The following ACAD10 variants were observed in gnomAD, a reference collection of about 807,000 sequenced individuals.
ACAD10 encodes ACAD-10.
Under a neutral mutation model 116.8 loss-of-function variants are expected in ACAD10, and 112 were observed. The ratio of observed to expected loss-of-function variants is 0.96; its 90% CI spans 0.82 to 1.12. ACAD10 has a LOEUF of 1.12. Among genes scored for constraint, ACAD10 ranks in the 50% most tolerant of loss-of-function variants. The pLI is 0.00. For synonymous variants in ACAD10, 486 were observed against 510.6 expected, an observed-to-expected ratio of 0.95 and a Z score of 0.65; for missense variants, 1,259 against 1,350.2, an observed-to-expected ratio of 0.93 and a Z score of 1.06.
chr12:111,732,118 A>T (rs138299530), intron 10 of ACAD10, among the ~76,000 whole-genome samples: 2 of 152,278 alleles, frequency 1.3e-5, no homozygotes, highest in Non-Finnish European at 2.9e-5. Flanking sequence ...GGGCAGTAAC[A>T]TGGAAGATGG....
chr12:111,735,767 T>A (rs1415289106), intron 11 of ACAD10, among the ~76,000 whole-genome samples: 1 of 152,172 alleles, frequency 6.6e-6, no homozygotes, highest in Non-Finnish European at 1.5e-5. Context: ...TGAAATTATT[T>A]TATTTGCTAT....
In ACAD10 at chr12:111,715,874, A is replaced by C; in HGVS notation, c.904A>C (p.Ile302Leu). Residue 302 changes from isoleucine (I) to leucine (L), a missense_variant, in exon 7 of 21, where the codon ATC becomes CTC. Coordinates refer to ENST00000313698, the MANE Select transcript of ACAD10 (RefSeq NM_025247.6). ...CGGGCAGTCAAATCCAACTTACTAC[A>C]TCAGGCTGGCTAATCGTGATCTAGT... ...DHGQSNPTYY[I>L]RLANRDLVLR... The C allele has an allele frequency of 6.2e-7, 1 of 1,614,112 alleles. No homozygotes were observed. The highest frequency in any genetic ancestry group is 8.5e-7 in the Non-Finnish European group (1 of 1,180,028).
At chr12:111,686,919 G>T (rs1297160845) in intron 1 of ACAD10, among the ~76,000 whole-genome samples, 1 of 152,180 alleles carries the variant, frequency 6.6e-6, no homozygotes, top group Non-Finnish European at 1.5e-5. Flanking sequence ...CAGTTGTGCA[G>T]TCTTGAACTA....
intron 5 of ACAD10, among the ~76,000 whole-genome samples, chr12:111,711,883 A>G (rs972155836): frequency 6.6e-6 from 1 of 152,192 alleles, no homozygotes; most frequent in African/African-American, 2.4e-5. Flanking sequence ...AGTTCCTGCA[A>G]TTTAGTCTAA....
intron 9 of ACAD10, 111 bp from the exon 10 acceptor site, chr12:111,729,695 G>A: frequency 1.5e-6 from 2 of 1,327,508 alleles, no homozygotes; most frequent in Non-Finnish European, 2.1e-6. Flanking sequence ...CAAAGACACT[G>A]CACCACCCAG....
At chr12:111,719,974 G>C (rs540581971) in intron 7 of ACAD10, among the ~76,000 whole-genome samples, 3 of 152,006 alleles carry the variant, frequency 2.0e-5, no homozygotes, top group African/African-American at 7.3e-5. Flanking sequence ...TGATCCACCC[G>C]CCTCAGCCTC....
intron 17 of ACAD10, 43 bp downstream of exon 17, chr12:111,748,518 T>G: frequency 6.2e-7 from 1 of 1,606,670 alleles, no homozygotes; most frequent in Non-Finnish European, 8.5e-7. Flanking sequence ...GTGGGTCTGG[T>G]CCCCAGGAAA....
intron 9 of ACAD10, 61 bp downstream of exon 9, chr12:111,728,204 G>T: frequency 6.6e-7 from 1 of 1,509,092 alleles, no homozygotes; most frequent in Non-Finnish European, 8.9e-7. Flanking sequence ...CTGCTTTTAG[G>T]ATCTGAATCG....
chr12:111,735,850 T>G (rs986453793), intron 11 of ACAD10, among the ~76,000 whole-genome samples: 6 of 152,038 alleles, frequency 3.9e-5, no homozygotes, highest in Non-Finnish European at 8.8e-5. Context: ...ATTTGTTTAT[T>G]TATTTTTGAG....
chr12:111,722,324 A>G (rs925495604), intron 8 of ACAD10, among the ~76,000 whole-genome samples: 1 of 152,218 alleles, frequency 6.6e-6, no homozygotes, highest in Non-Finnish European at 1.5e-5. Flanking sequence ...TTGGCCTCCC[A>G]TGATGCTGGG....
intron 1 of ACAD10, among the ~76,000 whole-genome samples, chr12:111,691,915 C>A (rs769641673): frequency 8.6e-5 from 13 of 151,946 alleles, no homozygotes; most frequent in Non-Finnish European, 1.5e-4. Flanking sequence ...TCTTTTAAGC[C>A]AGGCTTAGGA....
At position 111,702,180 on chromosome 12, in the gene ACAD10, G is replaced by C; in HGVS notation, c.206G>C (p.Arg69Pro). Residue 69 changes from arginine (R) to proline (P), a missense_variant, in exon 3 of 21, where the codon CGT (arginine) becomes CCT (proline). By Grantham distance (103) the Arg-to-Pro change is moderately radical. Transcript: ENST00000313698. ...RVAAEWEVQN[R>P]IPSGTILKAL... ...CCTATAGAATGGGAGGTACAGAATC[G>C]TATCCCTTCTGGAACTATATTAAAG... 1 of 1,613,878 alleles carries C rather than the reference G, an allele frequency of 6.2e-7. No individual in the cohort carries two copies.
intron 19 of ACAD10, among the ~76,000 whole-genome samples, chr12:111,754,625 T>C (rs188284429): frequency 3.6e-5 from 3 of 84,124 alleles, no homozygotes; most frequent in Non-Finnish European, 6.4e-5. Context: ...GACCAACCCA[T>C]GCTCATGCTC....
chr12:111,740,800 A>G (rs1310379404), intron 12 of ACAD10, among the ~76,000 whole-genome samples: 1 of 151,294 alleles, frequency 6.6e-6, no homozygotes, highest in Non-Finnish European at 1.5e-5. Context: ...AAAAAAAAAA[A>G]AAGAAAAGAA....
Position 111,692,754 on chromosome 12 carries a change from G to A in ACAD10, c.45G>A (p.Val15=), listed in dbSNP as rs770958389. 2.5e-6 allele frequency: 4 copies of A among 1,614,210 alleles called. No individual in the cohort carries two copies. The highest frequency in any genetic ancestry group is 3.4e-6 in the Non-Finnish European group (4 of 1,180,034). ...SCFQSPRLQW[V]WRTAFLKHTQ... is the part of the protein sequence containing the mutation. ...TCCAGTCCCCCCGTCTCCAGTGGGT[G>A]TGGAGAACAGCCTTCCTGAAACACA... is the stretch of plus-strand genomic sequence containing the variant. The change falls in exon 2 of 21, where the codon GTG becomes GTA. Residue 15 remains valine (V), a synonymous_variant. Coordinates refer to ENST00000313698, the MANE Select transcript of ACAD10 (RefSeq NM_025247.6).
At chr12:111,747,571 G>A in intron 16 of ACAD10, 186 bp downstream of exon 16, 1 of 1,423,820 alleles carries the variant, frequency 7.0e-7, no homozygotes, top group Non-Finnish European at 9.2e-7. Flanking sequence ...ACTGTTCTCA[G>A]AGGTGGCACT....
intron 12 of ACAD10, among the ~76,000 whole-genome samples, chr12:111,738,290 A>G (rs1566163354): frequency 6.6e-6 from 1 of 152,118 alleles, no homozygotes. Flanking sequence ...TACTAAAAAT[A>G]CAAAAATTAG....
chr12:111,688,450 T>C (rs1440557229), intron 1 of ACAD10, among the ~76,000 whole-genome samples: 17 of 152,174 alleles, frequency 1.1e-4, no homozygotes, highest in Admixed American at 1.1e-3. Flanking sequence ...TGGTGTAGCA[T>C]TTGTTTATAA....
intron 12 of ACAD10, among the ~76,000 whole-genome samples, chr12:111,741,283 C>G (rs1446817497): frequency 6.6e-6 from 1 of 152,178 alleles, no homozygotes; most frequent in African/African-American, 2.4e-5. Flanking sequence ...GAAATATTTA[C>G]TTAAACAGAA....
Sources: gnomAD v4.1 joint callset for allele counts (sites outside exome capture counted in the v4.1 genomes callset) on GRCh38, gnomAD v4.1.1 for gene constraint, MANE v1.5 for transcripts, NCBI Gene and HGNC (gene_info 2026-07-23, HGNC 2026-07-21) for gene names.